The following HNF1B variants were observed in gnomAD, a reference collection of about 807,000 sequenced individuals.
The protein encoded by HNF1B is hepatocyte nuclear factor 1-beta.
In HNF1B, 8 loss-of-function variants were observed where a neutral mutation model predicts 61.7. The observed-to-expected ratio is 0.13, with a 90% CI of 0.08 to 0.23. The LOEUF (loss-of-function observed/expected upper bound fraction) is 0.23. Among genes scored for constraint, HNF1B ranks in the 10% least tolerant of loss-of-function variants. The pLI is 1.00. For synonymous variants in HNF1B, 314 were observed against 287.7 expected (o/e 1.09, Z -0.93); for missense variants, 562 against 714.5 (o/e 0.79, Z 2.43).
intron 4 of HNF1B, among the ~76,000 whole-genome samples, chr17:37,716,700 T>C (rs1449166701): frequency 1.3e-5 from 2 of 152,176 alleles, no homozygotes; most frequent in Non-Finnish European, 2.9e-5. Context: ...CCAGAGACTT[T>C]GCAGAAACCT....
At chr17:37,688,125 T>C (rs2032043546) in intron 8 of HNF1B, among the ~76,000 whole-genome samples, 1 of 152,188 alleles carries the variant, frequency 6.6e-6, no homozygotes, top group Non-Finnish European at 1.5e-5. Flanking sequence ...GCCATCCTTG[T>C]GGGTGGGCCA....
intron 4 of HNF1B, among the ~76,000 whole-genome samples, chr17:37,724,287 A>G (rs562187914): frequency 6.6e-6 from 1 of 150,888 alleles, no homozygotes; most frequent in African/African-American, 2.4e-5. Flanking sequence ...TAAATTTGAG[A>G]ACCTTAGAAC....
intron 4 of HNF1B, 67 bp from the exon 5 acceptor site, chr17:37,710,730 A>G: frequency 6.6e-7 from 1 of 1,507,218 alleles, no homozygotes; most frequent in Non-Finnish European, 9.1e-7. Context: ...ATGACTCGGC[A>G]CCTCTTGTTT....
intron 8 of HNF1B, among the ~76,000 whole-genome samples, chr17:37,698,138 A>T (rs1219332403): frequency 6.6e-6 from 1 of 152,116 alleles, no homozygotes; most frequent in Non-Finnish European, 1.5e-5. Context: ...CTCAGATGAA[A>T]AAAAGACCAT....
Position 37,744,702 on chromosome 17 carries a change from G to A in HNF1B, c.183C>T (p.Val61=). 1 of 1,613,478 alleles carries A rather than the reference G, an allele frequency of 6.2e-7. No homozygotes were observed. The highest frequency in any genetic ancestry group is 8.5e-7 in the Non-Finnish European group (1 of 1,180,044). ...GSGAEPDTKP[V]FHTLTNGHAK... ...CGTGGCCGTTGGTGAGAGTATGGAA[G>A]ACCGGCTTGGTGTCGGGCTCGGCCC... The change falls in exon 1 of 9, where the codon GTC becomes GTT. Residue 61 remains valine (V), a synonymous_variant. Transcript: ENST00000617811.
Position 37,710,731 on chromosome 17 carries a change from C to G in HNF1B, c.1046-68G>C. ...AGGGTCCTGGAACAATGACTCGGCA[C>G]CTCTTGTTTTCAAGGGTGGGTAATA... On this transcript the variant is annotated intron_variant, in intron 4 of 8. Transcript: ENST00000617811. 3 of 1,502,388 alleles carry G rather than the reference C, an allele frequency of 2.0e-6. No homozygotes were observed. The South Asian group carries it at 3.5e-5, about 17-fold the overall frequency. The allele number at this position is 1,502,388 out of a possible 1,614,324, so 93.1% of individuals were successfully genotyped here.
At chr17:37,693,233 C>A (rs2147424498) in intron 8 of HNF1B, among the ~76,000 whole-genome samples, 2 of 143,726 alleles carry the variant, frequency 1.4e-5, no homozygotes, top group African/African-American at 2.6e-5. Context: ...GAAGGGGAGA[C>A]AACTATCTCC....
Position 37,687,404 on chromosome 17 carries a change from G to A in HNF1B, c.1654-12C>T, listed in dbSNP as rs2032012752. 1.2e-6 allele frequency: 2 copies of A among 1,600,556 alleles called. No individual in the cohort carries two copies. The highest frequency in any genetic ancestry group is 8.6e-7 in the Non-Finnish European group (1 of 1,168,016). On this transcript the variant is annotated splice_polypyrimidine_tract_variant and intron_variant, in intron 8 of 8. Coordinates refer to ENST00000617811, the MANE Select transcript of HNF1B (RefSeq NM_000458.4). ...GCTTGTAGAGGACACTGCAGAGAGA[G>A]AGGAGAGAGGGTGCTCAGCTGTGTC...
chr17:37,688,296 T>C (rs970300646), intron 8 of HNF1B, among the ~76,000 whole-genome samples: 1 of 152,006 alleles, frequency 6.6e-6, no homozygotes, highest in African/African-American at 2.4e-5. Flanking sequence ...TTTGTCTCCC[T>C]GTGTCTCCTC....
chr17:37,721,814 G>A (rs2033327981), intron 4 of HNF1B, among the ~76,000 whole-genome samples: 1 of 151,776 alleles, frequency 6.6e-6, no homozygotes, highest in African/African-American at 2.4e-5. Flanking sequence ...TTATCTCAAG[G>A]TGTTTTATAG....
chr17:37,719,755 AACAG>A (rs1455918062), intron 4 of HNF1B, among the ~76,000 whole-genome samples: 1 of 152,226 alleles, frequency 6.6e-6, no homozygotes, highest in Non-Finnish European at 1.5e-5. Context: ...AGGTCCTATA[AACAG>A]ACATCTGTAT....
intron 4 of HNF1B, among the ~76,000 whole-genome samples, chr17:37,725,138 C>T (rs1280131804): frequency 3.9e-5 from 6 of 152,188 alleles, no homozygotes; most frequent in Non-Finnish European, 8.8e-5. Flanking sequence ...GTTCCTGTCG[C>T]TTCTCATCAA....
chr17:37,730,508 A>AG (rs2033649572), intron 4 of HNF1B: 1 of 152,144 alleles, frequency 6.6e-6, no homozygotes, highest in Admixed American at 6.6e-5. Flanking sequence ...GTGCTATGGG[A>AG]GGGCACAGCA....
At position 37,731,557 on chromosome 17, in the gene HNF1B, T is replaced by C. The variant is rs772563333; in HGVS notation, c.1045+38A>G. On this transcript the variant is annotated intron_variant, in intron 4 of 8. Transcript: ENST00000617811. Reference sequence around the variant, plus strand: ...AGATCCGTGGCAAGAACCAGGATGGTTGGGTTGCCGAGGCAGTGAGGCCCA... The same window carrying C: ...AGATCCGTGGCAAGAACCAGGATGGCTGGGTTGCCGAGGCAGTGAGGCCCA... The C allele has an allele frequency of 7.9e-6, 12 of 1,520,346 alleles. No individual in the cohort carries two copies. In the Admixed American group the frequency reaches 1.5e-4, roughly 19 times the overall value. 94.2% of individuals were successfully genotyped at this position (1,520,346 alleles called of 1,614,324 possible).
intron 6 of HNF1B, among the ~76,000 whole-genome samples, chr17:37,701,572 T>C (rs1238426132): frequency 6.6e-6 from 1 of 152,230 alleles, no homozygotes; most frequent in Non-Finnish European, 1.5e-5. Context: ...ATGTCCACAC[T>C]GAGGCACAGG....
At chr17:37,722,639 G>T (rs1299109863) in intron 4 of HNF1B, among the ~76,000 whole-genome samples, 2 of 152,178 alleles carry the variant, frequency 1.3e-5, no homozygotes, top group Non-Finnish European at 2.9e-5. Context: ...TACAAGTCCT[G>T]AGAAAACTGA....
intron 1 of HNF1B, among the ~76,000 whole-genome samples, chr17:37,741,031 T>G (rs1365880395): frequency 6.6e-6 from 1 of 152,106 alleles, no homozygotes; most frequent in Non-Finnish European, 1.5e-5. Context: ...CATATTTAAC[T>G]TACAAAAACC....
At chr17:37,704,833 C>T in intron 6 of HNF1B, 84 bp downstream of exon 6, 1 of 1,489,626 alleles carries the variant, frequency 6.7e-7, no homozygotes, top group Non-Finnish European at 9.4e-7. Context: ...TGAAGGAGAC[C>T]TACAGTTATT....
chr17:37,710,280 A>G (rs973142284), intron 5 of HNF1B, among the ~76,000 whole-genome samples: 3 of 152,244 alleles, frequency 2.0e-5, no homozygotes, highest in African/African-American at 7.2e-5. Context: ...AAAAGAGAGC[A>G]GAACTCTGTC....
Sources: allele counts gnomAD v4.1 joint callset (sites outside exome capture counted in the v4.1 genomes callset), GRCh38; gene constraint gnomAD v4.1.1; transcripts MANE v1.5; gene names NCBI Gene and HGNC (gene_info 2026-07-23, HGNC 2026-07-21).